Variants in SYNPR observed in about 807,000 individuals in gnomAD.
The protein encoded by SYNPR is synaptoporin.
A neutral mutation model predicts 32.9 loss-of-function variants in SYNPR; 23 were observed. That is an observed-to-expected ratio of 0.70 (90% confidence interval 0.50 to 0.99). SYNPR has a LOEUF of 0.99. Among genes scored for constraint, SYNPR ranks in the 50% least tolerant of loss-of-function variants. The pLI is 0.00. For missense variants in SYNPR, 318 were observed against 349.3 expected, an observed-to-expected ratio of 0.91 and a Z score of 0.71; for synonymous variants, 146 against 135.9, an observed-to-expected ratio of 1.07 and a Z score of -0.52.
At chr3:63,359,409 T>C (rs1191057743) in intron 2 of SYNPR, among the ~76,000 whole-genome samples, 3 of 152,244 alleles carry the variant, frequency 2.0e-5, no homozygotes, top group Non-Finnish European at 4.4e-5. Context: ...AGAGTTGAGT[T>C]GTTTGCACAT....
chr3:63,551,424 T>A (rs748426017), intron 3 of SYNPR, among the ~76,000 whole-genome samples: 54 of 152,192 alleles, frequency 3.5e-4, no homozygotes, highest in Non-Finnish European at 6.8e-4. Flanking sequence ...TTCTCTTGGG[T>A]ATGTATCTAG....
chr3:63,421,467 C>T (rs1245559300), intron 2 of SYNPR, among the ~76,000 whole-genome samples: 2 of 150,108 alleles, frequency 1.3e-5, no homozygotes, highest in Non-Finnish European at 3.0e-5. Flanking sequence ...AATCATTATG[C>T]TGAGTGAGAA....
intron 2 of SYNPR, chr3:63,443,467 C>T: frequency 6.2e-7 from 1 of 1,606,814 alleles, no homozygotes; most frequent in Non-Finnish European, 8.5e-7. Flanking sequence ...GATATTTGCT[C>T]CGGTAAGTTT....
intron 2 of SYNPR, among the ~76,000 whole-genome samples, chr3:63,397,143 G>A (rs1378738903): frequency 6.6e-6 from 1 of 151,856 alleles, no homozygotes; most frequent in Non-Finnish European, 1.5e-5. Context: ...TAAAAATATG[G>A]TGATGGGGAA....
chr3:63,566,621 G>C (rs368824189), intron 4 of SYNPR, among the ~76,000 whole-genome samples: 2 of 152,110 alleles, frequency 1.3e-5, no homozygotes, highest in Non-Finnish European at 2.9e-5. Flanking sequence ...GCAGGGAGGG[G>C]TTATAATTTT....
rs141394740 is a variant in SYNPR at position 63,557,057 on chromosome 3, T to C, written c.408+316T>C. 4.9e-4 allele frequency among the ~76,000 whole-genome samples: 75 copies of C among 152,338 alleles called. 1 individual carries two copies. In the East Asian group the frequency reaches 0.014, roughly 29 times the overall value. ...TAATTCCAGCATTGTGGAGTTATAT[T>C]ATAGGATGATCATATATTAATAATT... On this transcript the variant is annotated intron_variant, in intron 4 of 5. Coordinates refer to ENST00000478300, the MANE Select transcript of SYNPR (RefSeq NM_001130003.2).
At chr3:63,461,825 C>A (rs532376388) in intron 2 of SYNPR, among the ~76,000 whole-genome samples, 1 of 152,000 alleles carries the variant, frequency 6.6e-6, no homozygotes, top group East Asian at 1.9e-4. Flanking sequence ...GAGATAATAC[C>A]CATCTTGCAG....
At chr3:63,254,283 C>A (rs530570328) in intron 2 of SYNPR, among the ~76,000 whole-genome samples, 1 of 151,960 alleles carries the variant, frequency 6.6e-6, no homozygotes, top group African/African-American at 2.4e-5. Flanking sequence ...CAAACCTGTA[C>A]GTTGTGCACA....
the SYNPR span, among the ~76,000 whole-genome samples, chr3:63,218,285 C>A: frequency 6.6e-6 from 1 of 152,188 alleles, no homozygotes; most frequent in Non-Finnish European, 1.5e-5. Context: ...ATAATCCACA[C>A]CAGCGTTTTG....
chr3:63,234,626 C>T (rs948062214), intron 1 of SYNPR, among the ~76,000 whole-genome samples: 3 of 152,066 alleles, frequency 2.0e-5, no homozygotes, highest in African/African-American at 7.2e-5. Flanking sequence ...GTGTGCTGCC[C>T]CTGTGTGGAA....
chr3:63,276,620 T>TGGG (rs1560175989), upstream of SYNPR, among the ~76,000 whole-genome samples: 1 of 142,142 alleles, frequency 7.0e-6, no homozygotes, highest in Admixed American at 7.3e-5. Context: ...TAGTGTTAGT[T>TGGG]CCCCCCACCC....
At chr3:63,336,798 G>A (rs1458315023) in intron 2 of SYNPR, among the ~76,000 whole-genome samples, 1 of 151,968 alleles carries the variant, frequency 6.6e-6, no homozygotes, top group Non-Finnish European at 1.5e-5. Flanking sequence ...ACACTGTTAA[G>A]GGAATGAAAG....
At chr3:63,611,733 A>C (rs559701341) in intron 5 of SYNPR, among the ~76,000 whole-genome samples, 2 of 152,038 alleles carry the variant, frequency 1.3e-5, no homozygotes, top group African/African-American at 4.8e-5. Flanking sequence ...TGCAGTTTCT[A>C]AGTTTATATG....
the SYNPR span, among the ~76,000 whole-genome samples, chr3:63,223,087 G>A: frequency 1.3e-5 from 2 of 152,088 alleles, no homozygotes; most frequent in Non-Finnish European, 2.9e-5. Context: ...CACAGAGGAG[G>A]AAGAGAGAGT....
At chr3:63,474,558 G>A (rs546087679) in intron 2 of SYNPR, among the ~76,000 whole-genome samples, 1 of 152,238 alleles carries the variant, frequency 6.6e-6, no homozygotes, top group Admixed American at 6.5e-5. Context: ...CAATGGAGTT[G>A]TGTAGATCTC....
At position 63,278,726 on chromosome 3, in the gene SYNPR, T is replaced by C. The variant is rs1227904644; in HGVS notation, c.68T>C (p.Leu23Pro). The C allele has an allele frequency of 6.4e-7, 1 of 1,551,620 alleles. No homozygotes were observed. The highest frequency in any genetic ancestry group is 8.7e-7 in the Non-Finnish European group (1 of 1,146,972). Residue 23 changes from leucine to proline, a missense_variant, in exon 2 of 6, where the codon CTG (leucine) becomes CCG (proline). Coordinates refer to ENST00000478300, the MANE Select transcript of SYNPR (RefSeq NM_001130003.2). The part of the protein sequence containing the change: ...FRVLKEPLAF[L>P]RALELLFAIF... Reference sequence around the variant, plus strand: ...GTGCTGAAGGAGCCCCTTGCCTTCCTGCGAGCCCTGGAATTGGTGAGTAGC... The same window carrying C: ...GTGCTGAAGGAGCCCCTTGCCTTCCCGCGAGCCCTGGAATTGGTGAGTAGC...
At chr3:63,534,927 C>A (rs1236831996) in intron 3 of SYNPR, among the ~76,000 whole-genome samples, 2 of 152,132 alleles carry the variant, frequency 1.3e-5, no homozygotes, top group Non-Finnish European at 2.9e-5. Context: ...AACCCCAGCA[C>A]CTTCCACCAG....
chr3:63,389,001 T>C (rs2088095230), intron 2 of SYNPR, among the ~76,000 whole-genome samples: 1 of 152,198 alleles, frequency 6.6e-6, no homozygotes, highest in Admixed American at 6.5e-5. Flanking sequence ...TAAGGAGATT[T>C]AGAGTTTTGG....
chr3:63,384,776 A>G (rs1373063170), intron 2 of SYNPR, among the ~76,000 whole-genome samples: 1 of 152,152 alleles, frequency 6.6e-6, no homozygotes, highest in Non-Finnish European at 1.5e-5. Context: ...TAGCAATCCT[A>G]TGAGTTAGTT....
Sources: allele counts gnomAD v4.1 joint callset (sites outside exome capture counted in the v4.1 genomes callset), GRCh38; gene constraint gnomAD v4.1.1; transcripts MANE v1.5; gene names NCBI Gene and HGNC (gene_info 2026-07-23, HGNC 2026-07-21).